The following CATSPERE variants were observed in gnomAD, a reference collection of about 807,000 sequenced individuals.
CATSPERE encodes the protein cation channel sperm-associated auxiliary subunit epsilon.
Under a neutral mutation model 114.1 loss-of-function variants are expected in CATSPERE, and 93 were observed. The observed-to-expected ratio is 0.81, with a 90% CI of 0.69 to 0.97. The LOEUF is 0.97. Ranked by LOEUF, CATSPERE falls within the 50% of genes least tolerant of loss-of-function variation. The probability of loss-of-function intolerance (pLI) is 0.00; values close to 1 mark genes in which losing one functional copy is unlikely to be tolerated. For synonymous variants in CATSPERE, 341 were observed against 384.1 expected, an observed-to-expected ratio of 0.89 and a Z score of 1.31; for missense variants, 1,058 against 1,131.6, an observed-to-expected ratio of 0.93 and a Z score of 0.93.
chr1:244,586,711 T>TA (rs758255796), intron 13 of CATSPERE, among the ~76,000 whole-genome samples: 7 of 152,188 alleles, frequency 4.6e-5, no homozygotes, highest in Non-Finnish European at 8.8e-5. Flanking sequence ...TAGGGAGTAT[T>TA]AGAGTTTTTC....
intron 5 of CATSPERE, among the ~76,000 whole-genome samples, chr1:244,481,283 A>G (rs978729548): frequency 6.6e-6 from 1 of 151,990 alleles, no homozygotes; most frequent in Non-Finnish European, 1.5e-5. Flanking sequence ...TCCCATCTCT[A>G]TTAAAAATAC....
chr1:244,591,687 T>TA lies in CATSPERE; in HGVS notation c.2151dup (p.Gly718ArgfsTer6). 1 of 1,500,834 alleles carries TA rather than the reference T, an allele frequency of 6.7e-7. No homozygotes were observed. The highest frequency in any genetic ancestry group is 9.2e-7 in the Non-Finnish European group (1 of 1,089,478). The allele number at this position is 1,500,834 out of a possible 1,614,324, so 93.0% of individuals were successfully genotyped here. A position where few individuals can be genotyped will look rare whatever the true frequency, so the allele number is the denominator to read the frequency against. ...TATGTTTTGTCTTTTGTAGATTTAG[T>TA]AAAAAAGGATGTCATCACCATGATT... On this transcript the variant is annotated frameshift_variant, in exon 15 of 22. Transcript: ENST00000366534. LOFTEE classifies it high-confidence loss of function.
Position 244,572,716 on chromosome 1 carries a change from CAA to C in CATSPERE, c.1895_1896del (p.Gln632ArgfsTer4), listed in dbSNP as rs764905290. 1 of 1,612,604 alleles carries C rather than the reference CAA, an allele frequency of 6.2e-7. No homozygotes were observed. The highest frequency in any genetic ancestry group is 1.3e-5 in the African/African-American group (1 of 74,980). On this transcript the variant is annotated frameshift_variant, in exon 11 of 22. Coordinates refer to ENST00000366534, the MANE Select transcript of CATSPERE (RefSeq NM_001130957.2). LOFTEE classifies it high-confidence loss of function. ...GGAATCTTATGGCCCAAAAATATTA[CAA>C]GAGAGTCATGAGATTTCCTTTGAAG... Reference protein sequence around the residue: ...IVESYGPKILQESHEISFEAA... With the variant: ...IVESYGPKILXESHEISFEAA...
In CATSPERE at chr1:244,578,736, C is replaced by CAT. The variant is rs1456161459; in HGVS notation, c.1951-3048_1951-3047dup. 6.6e-4 allele frequency among the ~76,000 whole-genome samples: 97 copies of CAT among 146,910 alleles called. 1 individual carries two copies. Among genetic ancestry groups the CAT allele is most frequent in the East Asian group, 1.8e-3 (9 of 5,056 alleles). ...ATACAGGTATATATATATACACACA[C>CAT]ATATATATATATACAGGCATATATA... On this transcript the variant is annotated intron_variant, in intron 11 of 21. Coordinates refer to ENST00000366534, the MANE Select transcript of CATSPERE (RefSeq NM_001130957.2).
chr1:244,564,959 G>C (rs988312040), intron 10 of CATSPERE, among the ~76,000 whole-genome samples: 11 of 152,052 alleles, frequency 7.2e-5, no homozygotes, highest in African/African-American at 2.4e-4. Context: ...TAGCATGAAG[G>C]GGTGTTGAAT....
intron 8 of CATSPERE, among the ~76,000 whole-genome samples, chr1:244,535,653 G>A (rs543135975): frequency 7.1e-4 from 108 of 152,170 alleles, no homozygotes; most frequent in African/African-American, 2.5e-3. Context: ...CACCTTTCAG[G>A]GCAGTTGGTT....
intron 19 of CATSPERE, among the ~76,000 whole-genome samples, chr1:244,617,280 A>G (rs1407774175): frequency 1.3e-5 from 2 of 152,204 alleles, no homozygotes; most frequent in Non-Finnish European, 2.9e-5. Flanking sequence ...GGAAAATAAT[A>G]TGCTTACATA....
rs2148577395 is a variant in CATSPERE, at chr1:244,572,573, C to A, written c.1751C>A (p.Pro584Gln). ...GCTTTCACAACAAAAGACAAATGCC[C>A]ATACATGGCATTTCATAACAATGTT... The part of the protein sequence containing the change: ...SIAFTTKDKC[P>Q]YMAFHNNVAH... The change falls in exon 11 of 22, where the codon CCA becomes CAA. Residue 584 changes from proline (P) to glutamine (Q), a missense_variant. By Grantham distance (76) the Pro-to-Gln change is moderately conservative. Around this residue, in one of 2 missense-constraint regions of CATSPERE, gnomAD observed 787 missense variants for 905.6 expected, o/e 0.87. Transcript: ENST00000366534. 6.2e-7 allele frequency: 1 copy of A among 1,613,926 alleles called. No homozygotes were observed. The highest frequency in any genetic ancestry group is 1.7e-5 in the Admixed American group (1 of 60,012).
rs540303746 is a variant in CATSPERE, at chr1:244,466,044, C to T, written c.114+2088C>T. Among the ~76,000 whole-genome samples, 6 of 152,254 alleles carry T rather than the reference C, an allele frequency of 3.9e-5. 1 individual carries two copies. In the South Asian group the frequency reaches 1.2e-3, roughly 32 times the overall value. ...TAAAAAATAGTCGCTATAAGTGATA[C>T]TTATAGTGAATTGTGAAATGCCTTT... On this transcript the variant is annotated intron_variant, in intron 2 of 21. Transcript: ENST00000366534.
At chr1:244,559,432 C>G (rs954737432) in intron 9 of CATSPERE, among the ~76,000 whole-genome samples, 1 of 152,120 alleles carries the variant, frequency 6.6e-6, no homozygotes, top group Non-Finnish European at 1.5e-5. Flanking sequence ...AAGATGTTTT[C>G]AAAAGATTCC....
At chr1:244,611,073 T>A (rs887048926) in intron 19 of CATSPERE, among the ~76,000 whole-genome samples, 4 of 152,184 alleles carry the variant, frequency 2.6e-5, no homozygotes, top group Non-Finnish European at 5.9e-5. Flanking sequence ...CTCCCCTATT[T>A]TATTTAATAT....
At chr1:244,466,712 C>A (rs1333295594) in intron 2 of CATSPERE, among the ~76,000 whole-genome samples, 1 of 152,096 alleles carries the variant, frequency 6.6e-6, no homozygotes, top group Admixed American at 6.5e-5. Context: ...GTCTTAGAAA[C>A]CCCCACTAAT....
At chr1:244,496,762 C>T (rs1673162488) in intron 6 of CATSPERE, among the ~76,000 whole-genome samples, 1 of 152,096 alleles carries the variant, frequency 6.6e-6, no homozygotes. Context: ...TAAACAAAAA[C>T]AGTGTTCAGA....
chr1:244,579,281 C>T (rs1665816620), intron 11 of CATSPERE, among the ~76,000 whole-genome samples: 1 of 152,078 alleles, frequency 6.6e-6, no homozygotes, highest in Non-Finnish European at 1.5e-5. Flanking sequence ...ATTACTGCAC[C>T]TTTACATTTG....
chr1:244,638,543 T>A (rs1432872479), intron 21 of CATSPERE, among the ~76,000 whole-genome samples: 2 of 152,120 alleles, frequency 1.3e-5, no homozygotes, highest in Admixed American at 6.5e-5. Context: ...TACACATGGC[T>A]CCCAAATAAT....
intron 6 of CATSPERE, among the ~76,000 whole-genome samples, chr1:244,495,081 A>G (rs908535913): frequency 1.3e-5 from 2 of 152,186 alleles, no homozygotes; most frequent in African/African-American, 4.8e-5. Flanking sequence ...TAGAAAATAT[A>G]TGTGTGTACA....
In CATSPERE at chr1:244,488,183, TG is replaced by T. The variant is rs564311965; in HGVS notation, c.327-2263del. On this transcript the variant is annotated intron_variant, in intron 5 of 21. Transcript: ENST00000366534. ...TCACTGTATCCCACTACTATCTCTC[TG>T]TCTTCTGAAACTGCTGTGGCAAAGT... 6.7e-3 allele frequency among the ~76,000 whole-genome samples: 1,024 copies of T among 152,360 alleles called. 9 individuals carry two copies. Among genetic ancestry groups the T allele is most frequent in the African/African-American group, 0.023 (961 of 41,588 alleles).
intron 13 of CATSPERE, among the ~76,000 whole-genome samples, chr1:244,587,127 A>G (rs901900823): frequency 1.1e-4 from 17 of 152,334 alleles, no homozygotes; most frequent in Admixed American, 1.0e-3. Flanking sequence ...AGATTTAATG[A>G]AGCTAATAGT....
chr1:244,630,573 C>T (rs1046798284), intron 20 of CATSPERE, among the ~76,000 whole-genome samples: 8 of 152,216 alleles, frequency 5.3e-5, no homozygotes, highest in South Asian at 2.1e-4. Flanking sequence ...CATCAGTCTT[C>T]GGAACAGTTC....
Sources: gnomAD v4.1 joint callset for allele counts (sites outside exome capture counted in the v4.1 genomes callset) on GRCh38, gnomAD v4.1.1 for gene constraint, gnomAD v4.1.1 regional missense constraint, MANE v1.5 for transcripts, NCBI Gene and HGNC (gene_info 2026-07-23, HGNC 2026-07-21) for gene names.